Variants in MAF observed in about 807,000 individuals in gnomAD.
MAF encodes the protein MAF bZIP transcription factor.
A neutral mutation model predicts 22.0 loss-of-function variants in MAF; 10 were observed. The observed-to-expected ratio is 0.45, with a 90% confidence interval of 0.28 to 0.77. MAF has a LOEUF of 0.77. Ranked by LOEUF, MAF falls within the 30% of genes least tolerant of loss-of-function variation. The pLI, the probability that MAF is intolerant of heterozygous loss-of-function variation, is 0.12. For missense variants in MAF, 544 were observed against 548.4 expected, an observed-to-expected ratio of 0.99 and a Z score of 0.08; for synonymous variants, 337 against 255.8, an observed-to-expected ratio of 1.32 and a Z score of -3.03.
At chr16:79,358,686 A>G in the MAF span, among the ~76,000 whole-genome samples, 85 of 152,364 alleles carry the variant, frequency 5.6e-4, 1 homozygote, top group Admixed American at 1.1e-3. Context: ...GCAGGAAGGC[A>G]TGAAGTGCCG....
the MAF span, among the ~76,000 whole-genome samples, chr16:79,294,228 T>C: frequency 3.9e-5 from 6 of 152,256 alleles, no homozygotes; most frequent in African/African-American, 1.2e-4. Context: ...ATCCTTCCCA[T>C]GAACTTTTCT....
chr16:79,245,317 A>T, the MAF span, among the ~76,000 whole-genome samples: 1 of 152,174 alleles, frequency 6.6e-6, no homozygotes, highest in Non-Finnish European at 1.5e-5. Context: ...CAATCTATCC[A>T]TCTGACAAAG....
the MAF span, among the ~76,000 whole-genome samples, chr16:79,270,995 G>T: frequency 6.6e-6 from 1 of 151,634 alleles, no homozygotes; most frequent in Non-Finnish European, 1.5e-5. Context: ...CCGCCTCCTG[G>T]GTTCAAGTGA....
At chr16:79,332,226 C>G in the MAF span, among the ~76,000 whole-genome samples, 18 of 152,334 alleles carry the variant, frequency 1.2e-4, no homozygotes, top group East Asian at 1.4e-3. Flanking sequence ...ATTCACTCAC[C>G]TGTGCATATT....
At chr16:79,276,072 C>A in the MAF span, among the ~76,000 whole-genome samples, 6 of 151,730 alleles carry the variant, frequency 4.0e-5, no homozygotes, top group Non-Finnish European at 8.8e-5. Context: ...ACCTGGGAGG[C>A]AGAGGTTGCA....
chr16:79,572,976 T>C, the MAF span, among the ~76,000 whole-genome samples: 2 of 152,220 alleles, frequency 1.3e-5, no homozygotes, highest in Non-Finnish European at 2.9e-5. Context: ...CTGCCAATCA[T>C]TCTATGTTCT....
the MAF span, among the ~76,000 whole-genome samples, chr16:79,446,147 C>A: frequency 4.6e-5 from 7 of 152,238 alleles, no homozygotes; most frequent in East Asian, 9.7e-4. Flanking sequence ...TATTTTATCT[C>A]ATTTTCATCA....
At chr16:79,514,185 G>A in the MAF span, among the ~76,000 whole-genome samples, 1 of 152,198 alleles carries the variant, frequency 6.6e-6, no homozygotes, top group African/African-American at 2.4e-5. Context: ...CCGGCTTGTT[G>A]GAGAAAAGCA....
the MAF span, among the ~76,000 whole-genome samples, chr16:79,417,072 A>G: frequency 6.6e-6 from 1 of 152,230 alleles, no homozygotes; most frequent in Non-Finnish European, 1.5e-5. Flanking sequence ...ACAGACGGAA[A>G]GGGTATTTTT....
chr16:79,597,995 C>T (rs1913659946), intron 1 of MAF: 1 of 1,037,188 alleles, frequency 9.6e-7, no homozygotes, highest in East Asian at 5.8e-5. Context: ...TTGATGCAGG[C>T]TTGATTGTGG....
At chr16:79,574,075 C>T in the MAF span, among the ~76,000 whole-genome samples, 4 of 152,254 alleles carry the variant, frequency 2.6e-5, no homozygotes, top group Admixed American at 6.5e-5. Context: ...ATAAATGAGG[C>T]GTGAACTTCA....
chr16:79,596,901 A>G lies in MAF; in HGVS notation c.1118+1884T>C, dbSNP rs143444678. 1,185 of 1,049,394 alleles carry G rather than the reference A, an allele frequency of 1.1e-3. 11 individuals are homozygous for G. The African/African-American group carries it at 0.017, about 15-fold the overall frequency. The allele number at this position is 1,049,394 out of a possible 1,614,324, so 65.0% of individuals were successfully genotyped here. Reference sequence around the variant, plus strand: ...CAGTTTTGCAATTTTTTTTTGTATTATATGCTTGCAGGTTATATCTTAGTG... The same window carrying G: ...CAGTTTTGCAATTTTTTTTTGTATTGTATGCTTGCAGGTTATATCTTAGTG... On this transcript the variant is annotated intron_variant, in intron 1 of 1. Transcript: ENST00000326043.
At chr16:79,334,613 G>A in the MAF span, among the ~76,000 whole-genome samples, 1 of 152,104 alleles carries the variant, frequency 6.6e-6, no homozygotes, top group African/African-American at 2.4e-5. Context: ...AAATTCTTAG[G>A]ACTTTCAGGA....
At chr16:79,381,417 G>A in the MAF span, among the ~76,000 whole-genome samples, 1 of 152,158 alleles carries the variant, frequency 6.6e-6, no homozygotes, top group African/African-American at 2.4e-5. Flanking sequence ...TGATGTGGAA[G>A]TTACCCTGGG....
chr16:79,556,315 G>C, the MAF span, among the ~76,000 whole-genome samples: 2 of 152,254 alleles, frequency 1.3e-5, no homozygotes, highest in East Asian at 3.9e-4. Context: ...ATACCCAGTA[G>C]ATTCCTACCC....
chr16:79,559,520 A>G, the MAF span, among the ~76,000 whole-genome samples: 1 of 152,204 alleles, frequency 6.6e-6, no homozygotes, highest in African/African-American at 2.4e-5. Flanking sequence ...CTACTAGCAA[A>G]GCCAGGAAAC....
the MAF span, among the ~76,000 whole-genome samples, chr16:79,221,763 G>T: frequency 6.6e-6 from 1 of 152,066 alleles, no homozygotes; most frequent in African/African-American, 2.4e-5. Flanking sequence ...GTGTGTATGT[G>T]TGTGTGTGCA....
At chr16:79,375,516 A>C in the MAF span, among the ~76,000 whole-genome samples, 9 of 152,160 alleles carry the variant, frequency 5.9e-5, no homozygotes. Context: ...TGATGATGAT[A>C]TATTAATGAT....
the MAF span, among the ~76,000 whole-genome samples, chr16:79,460,822 GC>G: frequency 6.6e-6 from 1 of 151,982 alleles, no homozygotes; most frequent in Non-Finnish European, 1.5e-5. Context: ...GCATTTTAAA[GC>G]TTTGCTTTTT....
Sources: allele counts gnomAD v4.1 joint callset (sites outside exome capture counted in the v4.1 genomes callset), GRCh38; gene constraint gnomAD v4.1.1; transcripts MANE v1.5; gene names NCBI Gene and HGNC (gene_info 2026-07-23, HGNC 2026-07-21).